Variants in SPON1 observed in about 807,000 individuals in gnomAD.
SPON1 encodes spondin-1.
A neutral mutation model predicts 111.7 loss-of-function variants in SPON1; 52 were observed. The ratio of observed to expected loss-of-function variants is 0.47; its 90% confidence interval spans 0.37 to 0.59. The LOEUF (loss-of-function observed/expected upper bound fraction) is 0.59. Ranked by LOEUF, SPON1 falls within the 20% of genes least tolerant of loss-of-function variation. The pLI is 0.00. For synonymous variants in SPON1, 410 were observed against 395.8 expected, an observed-to-expected ratio of 1.04 and a Z score of -0.43; for missense variants, 957 against 1,068.5, an observed-to-expected ratio of 0.90 and a Z score of 1.46.
intron 5 of SPON1, among the ~76,000 whole-genome samples, chr11:14,116,481 A>G (rs1849267970): frequency 2.6e-5 from 4 of 152,132 alleles, no homozygotes; most frequent in Admixed American, 1.3e-4. Context: ...TGAAGTGTCC[A>G]TCTTTTTCCC....
At chr11:14,046,335 A>T (rs1554917823) in intron 3 of SPON1, among the ~76,000 whole-genome samples, 1 of 152,164 alleles carries the variant, frequency 6.6e-6, no homozygotes, top group Non-Finnish European at 1.5e-5. Context: ...GAGCCCATTG[A>T]TATAATCTTT....
At chr11:14,225,191 C>T (rs1456023684) in intron 6 of SPON1, among the ~76,000 whole-genome samples, 1 of 152,022 alleles carries the variant, frequency 6.6e-6, no homozygotes, top group Non-Finnish European at 1.5e-5. Flanking sequence ...ATGTCACACT[C>T]GGGCATACCA....
Position 14,088,618 on chromosome 11 carries a change from T to C in SPON1, c.676+8597T>C, listed in dbSNP as rs7102430. ...CTGACAATTATGTGTTTTGGGGTTG[T>C]TCTTCTCGGGGAGTATCATTGTGGT... On this transcript the variant is annotated intron_variant, in intron 5 of 15. Transcript: ENST00000576479. Among the ~76,000 whole-genome samples, 1,181 of 151,900 alleles carry C rather than the reference T, an allele frequency of 7.8e-3. 6 individuals are homozygous for C. Among genetic ancestry groups the C allele is most frequent in the African/African-American group, 0.027 (1,104 of 41,498 alleles).
At chr11:14,056,608 C>T (rs1848746332) in intron 3 of SPON1, among the ~76,000 whole-genome samples, 1 of 152,088 alleles carries the variant, frequency 6.6e-6, no homozygotes, top group Non-Finnish European at 1.5e-5. Context: ...TAAAATATAA[C>T]ATCGGCTGGG....
chr11:14,186,476 G>C (rs1554934084), intron 6 of SPON1, among the ~76,000 whole-genome samples: 1 of 152,140 alleles, frequency 6.6e-6, no homozygotes, highest in Non-Finnish European at 1.5e-5. Context: ...GAGTGTTCAG[G>C]GAGCTGGGAG....
Position 14,172,568 on chromosome 11 carries a change from A to C in SPON1, c.825+37000A>C, listed in dbSNP as rs549874183. On this transcript the variant is annotated intron_variant, in intron 6 of 15. Transcript: ENST00000576479. Reference sequence around the variant, plus strand: ...AGCTGGTTATTTTGCTCATTTGTTGATGCAGTTTCTTCCTAGCCTCGATGG... The same window carrying C: ...AGCTGGTTATTTTGCTCATTTGTTGCTGCAGTTTCTTCCTAGCCTCGATGG... 3.5e-4 allele frequency among the ~76,000 whole-genome samples: 53 copies of C among 152,006 alleles called. 1 individual carries two copies. Among genetic ancestry groups the C allele is most frequent in the African/African-American group, 1.2e-3 (50 of 41,466 alleles).
intron 6 of SPON1, among the ~76,000 whole-genome samples, chr11:14,138,871 T>G (rs1847620967): frequency 6.6e-6 from 1 of 152,094 alleles, no homozygotes; most frequent in African/African-American, 2.4e-5. Context: ...AACTTGTGCC[T>G]TCTCTTTTAA....
chr11:14,196,292 T>G (rs1848400822), intron 6 of SPON1, among the ~76,000 whole-genome samples: 1 of 152,120 alleles, frequency 6.6e-6, no homozygotes, highest in South Asian at 2.1e-4. Flanking sequence ...GAAAGTAGAT[T>G]AGTGGTTGCC....
intron 3 of SPON1, among the ~76,000 whole-genome samples, chr11:14,061,555 T>C (rs1324881490): frequency 6.6e-5 from 10 of 152,248 alleles, no homozygotes; most frequent in Non-Finnish European, 1.0e-4. Context: ...CCAAACAATA[T>C]ATCACTTCCA....
intron 2 of SPON1, among the ~76,000 whole-genome samples, chr11:14,033,658 A>G (rs1195985919): frequency 6.6e-6 from 1 of 152,228 alleles, no homozygotes; most frequent in Non-Finnish European, 1.5e-5. Flanking sequence ...ACTGCATTCA[A>G]TGAAAAGTTT....
chr11:14,025,360 A>G (rs181971054), intron 2 of SPON1, among the ~76,000 whole-genome samples: 1 of 152,362 alleles, frequency 6.6e-6, no homozygotes, highest in Admixed American at 6.5e-5. Context: ...AATATTGATC[A>G]AGTATATATG....
chr11:14,128,731 A>G (rs1847492440), intron 5 of SPON1, among the ~76,000 whole-genome samples: 1 of 152,192 alleles, frequency 6.6e-6, no homozygotes, highest in African/African-American at 2.4e-5. Flanking sequence ...GAGGTTCTCC[A>G]TGAGGGCTCT....
At chr11:14,048,181 T>C (rs955062999) in intron 3 of SPON1, among the ~76,000 whole-genome samples, 6 of 152,080 alleles carry the variant, frequency 3.9e-5, no homozygotes, top group East Asian at 1.9e-4. Context: ...GGAGGTTGCA[T>C]TGAGCGGAGA....
intron 6 of SPON1, among the ~76,000 whole-genome samples, chr11:14,189,585 C>T (rs568956869): frequency 6.6e-6 from 1 of 152,190 alleles, no homozygotes; most frequent in East Asian, 1.9e-4. Context: ...TCTGGCCCCA[C>T]CCCATATCCC....
intron 2 of SPON1, among the ~76,000 whole-genome samples, chr11:14,002,498 A>G (rs1848326660): frequency 2.0e-5 from 3 of 152,146 alleles, no homozygotes; most frequent in African/African-American, 7.2e-5. Context: ...TGATCTGCAG[A>G]GGGAAAGGAC....
chr11:14,167,689 G>A (rs1303988106), intron 6 of SPON1, among the ~76,000 whole-genome samples: 2 of 151,906 alleles, frequency 1.3e-5, no homozygotes, highest in Non-Finnish European at 2.9e-5. Context: ...TAACTTTTTA[G>A]AACACTTTAC....
At chr11:14,174,671 AAAAG>A (rs1313432632) in intron 6 of SPON1, among the ~76,000 whole-genome samples, 1 of 152,178 alleles carries the variant, frequency 6.6e-6, no homozygotes, top group Non-Finnish European at 1.5e-5. Flanking sequence ...AAAAAGAAAA[AAAAG>A]AAAAAAAAGG....
Position 14,255,683 on chromosome 11 carries a change from C to T in SPON1, c.1129C>T (p.Arg377Trp), listed in dbSNP as rs1244653319. 1.1e-5 allele frequency: 18 copies of T among 1,613,766 alleles called. No individual in the cohort carries two copies. Among genetic ancestry groups the T allele is most frequent in the East Asian group, 4.5e-5 (2 of 44,882 alleles). ...ACCCACCATTCCCCAGGAGAAAATC[C>T]GGCCCCTGACCAGCCTGGACCATCC... ...NKPTIPQEKI[R>W]PLTSLDHPQS... The change falls in exon 9 of 16, where the codon CGG (arginine) becomes TGG (tryptophan). Residue 377 changes from arginine (R) to tryptophan (W), a missense_variant. By Grantham distance (101) the Arg-to-Trp change is moderately radical. This residue lies in a region of SPON1 where 549 missense variants were observed against 606.2 expected (regional missense o/e 0.91). Transcript: ENST00000576479.
intron 6 of SPON1, among the ~76,000 whole-genome samples, chr11:14,196,908 G>A (rs111556427): frequency 0.08 from 12,129 of 152,226 alleles, 539 homozygotes; most frequent in Middle Eastern, 0.11. Flanking sequence ...AAATTAGCCA[G>A]ATGTAGTGGT....
Sources: allele counts gnomAD v4.1 joint callset (sites outside exome capture counted in the v4.1 genomes callset), GRCh38; gene constraint gnomAD v4.1.1; regional missense constraint gnomAD v4.1.1; transcripts MANE v1.5; gene names NCBI Gene and HGNC (gene_info 2026-07-23, HGNC 2026-07-21).